Variants in PCDHGA6 observed in about 807,000 individuals in gnomAD.
The protein encoded by PCDHGA6 is protocadherin gamma-A6.
Under a neutral mutation model 60.6 loss-of-function variants are expected in PCDHGA6, and 41 were observed. The ratio of observed to expected loss-of-function variants is 0.68; its 90% confidence interval spans 0.53 to 0.88. PCDHGA6 has a LOEUF of 0.88. Among genes scored for constraint, PCDHGA6 ranks in the 40% least tolerant of loss-of-function variants. The pLI is 0.00. For missense variants in PCDHGA6, 1,312 were observed against 1,203.0 expected, an observed-to-expected ratio of 1.09 and a Z score of -1.34; for synonymous variants, 594 against 524.4, an observed-to-expected ratio of 1.13 and a Z score of -1.81.
chr5:141,436,414 A>G (rs1459862288), intron 1 of PCDHGA6, among the ~76,000 whole-genome samples: 1 of 152,234 alleles, frequency 6.6e-6, no homozygotes, highest in East Asian at 1.9e-4. Flanking sequence ...ATGAATGGAT[A>G]AACAAATAAT....
chr5:141,458,463 C>T (rs749353395), intron 1 of PCDHGA6, among the ~76,000 whole-genome samples: 15 of 151,844 alleles, frequency 9.9e-5, no homozygotes, highest in Admixed American at 8.5e-4. Flanking sequence ...TTTAAAATAC[C>T]GTACAACTGC....
In PCDHGA6 at chr5:141,477,031, A is replaced by C; in HGVS notation, c.2425-17776A>C. Reference sequence around the variant, plus strand: ...TAGACCTTGTAACCGGGATGCTGACAATCAAGGGTCGGCTGGACTTCGAGG... The same window carrying C: ...TAGACCTTGTAACCGGGATGCTGACCATCAAGGGTCGGCTGGACTTCGAGG... On this transcript the variant is annotated intron_variant, in intron 1 of 3. Coordinates refer to ENST00000517434, the MANE Select transcript of PCDHGA6 (RefSeq NM_018919.3). This position sits in a 1 kb window ranked among gnomAD's most constrained non-coding sequence, Gnocchi z 4.9. The C allele has an allele frequency of 6.2e-7, 1 of 1,614,248 alleles. No individual in the cohort carries two copies. Among genetic ancestry groups the C allele is most frequent in the Non-Finnish European group, 8.5e-7 (1 of 1,180,040 alleles).
chr5:141,427,224 A>G (rs1269896138), intron 1 of PCDHGA6: 1 of 456,768 alleles, frequency 2.2e-6, no homozygotes, highest in East Asian at 6.9e-5. Context: ...TAGCAGTTAT[A>G]CCATGAGAGT....
chr5:141,399,146 G>T (rs758823968), intron 1 of PCDHGA6: 1 of 1,613,792 alleles, frequency 6.2e-7, no homozygotes, highest in East Asian at 2.2e-5. Context: ...AATGACAATA[G>T]CCCAGAAGTT....
At chr5:141,481,649 C>G (rs1199734660) in intron 1 of PCDHGA6, among the ~76,000 whole-genome samples, 1 of 152,012 alleles carries the variant, frequency 6.6e-6, no homozygotes, top group African/African-American at 2.4e-5. Flanking sequence ...GAAACTTCAT[C>G]TCTACTAATA....
chr5:141,413,684 C>T, intron 1 of PCDHGA6: 1 of 1,613,838 alleles, frequency 6.2e-7, no homozygotes, highest in Non-Finnish European at 8.5e-7. Context: ...GGCGTGAACT[C>T]CCTGCAGAGC....
At chr5:141,430,782 G>A (rs1220976669) in intron 1 of PCDHGA6, 2 of 1,510,858 alleles carry the variant, frequency 1.3e-6, no homozygotes, top group Non-Finnish European at 1.8e-6. Flanking sequence ...CGACTGCACC[G>A]GGACTACAAA....
intron 1 of PCDHGA6, chr5:141,479,325 A>C (rs2099492835): frequency 6.6e-6 from 1 of 152,648 alleles, no homozygotes; most frequent in South Asian, 2.1e-4. Context: ...AGCCAGACTC[A>C]GTGGTGTGCA....
At chr5:141,415,114 G>T in intron 1 of PCDHGA6, 5 of 1,613,648 alleles carry the variant, frequency 3.1e-6, no homozygotes, top group Non-Finnish European at 4.2e-6. Flanking sequence ...GCAAAGCCTC[G>T]TAGTGGCCGT....
chr5:141,393,573 A>G lies in PCDHGA6; in HGVS notation c.2424+17066A>G, dbSNP rs568065764. 1.2e-4 allele frequency: 190 copies of G among 1,613,964 alleles called. 1 individual carries two copies. In the South Asian group the frequency reaches 2.0e-3, roughly 17 times the overall value. ...GATTTACCGAGTGAAAGTCCTTGAGAACATGCCCCCAGGCACGCGGCTGCT... is the reference window on the plus strand; with the variant it reads ...GATTTACCGAGTGAAAGTCCTTGAGGACATGCCCCCAGGCACGCGGCTGCT... On this transcript the variant is annotated intron_variant, in intron 1 of 3. Coordinates refer to ENST00000517434, the MANE Select transcript of PCDHGA6 (RefSeq NM_018919.3).
At chr5:141,481,913 C>CAA (rs34114744) in intron 1 of PCDHGA6, among the ~76,000 whole-genome samples, 26 of 90,736 alleles carry the variant, frequency 2.9e-4, no homozygotes, top group Non-Finnish European at 3.5e-4. Context: ...AACTCCATCT[C>CAA]AAAAAAAAAA....
At chr5:141,410,425 C>G (rs779212749) in intron 1 of PCDHGA6, 1 of 1,614,030 alleles carries the variant, frequency 6.2e-7, no homozygotes, top group South Asian at 1.1e-5. Flanking sequence ...TAGTTCCCCC[C>G]AACTACAGTG....
intron 1 of PCDHGA6, among the ~76,000 whole-genome samples, chr5:141,466,292 T>C (rs1050311680): frequency 3.3e-5 from 5 of 152,134 alleles, no homozygotes; most frequent in Non-Finnish European, 5.9e-5. Context: ...CACCTCAGGC[T>C]CCCAAGTAGC....
chr5:141,422,499 A>G lies in PCDHGA6; in HGVS notation c.2424+45992A>G. 3 of 1,614,036 alleles carry G rather than the reference A, an allele frequency of 1.9e-6. No homozygotes were observed. The South Asian group carries it at 3.3e-5, about 18-fold the overall frequency. On this transcript the variant is annotated intron_variant, in intron 1 of 3. Coordinates refer to ENST00000517434, the MANE Select transcript of PCDHGA6 (RefSeq NM_018919.3). ...TCCAGAGCTACAATATAACGTTGAC[A>G]GCCACAGACCAGGGAAGCCCGCCTT...
intron 1 of PCDHGA6, chr5:141,388,157 C>T (rs750936402): frequency 1.4e-6 from 2 of 1,469,104 alleles, no homozygotes; most frequent in Non-Finnish European, 1.9e-6. Flanking sequence ...GCAGGCTAGA[C>T]AGGGAGGAGA....
chr5:141,431,462 G>A lies in PCDHGA6; in HGVS notation c.2424+54955G>A. ...GCGCATCCGCGTGATGGTTCTGGAT[G>A]CGAACGACAACGCACCAGCGTTTGC... On this transcript the variant is annotated intron_variant, in intron 1 of 3. Transcript: ENST00000517434. This position sits in a 1 kb window ranked among gnomAD's most constrained non-coding sequence, Gnocchi z 4.8. 6.2e-7 allele frequency: 1 copy of A among 1,613,826 alleles called. No individual in the cohort carries two copies. The highest frequency in any genetic ancestry group is 2.2e-5 in the East Asian group (1 of 44,886).
intron 1 of PCDHGA6, chr5:141,384,779 G>T (rs1252058358): frequency 6.2e-7 from 1 of 1,613,592 alleles, no homozygotes; most frequent in Non-Finnish European, 8.5e-7. Context: ...GGCGAGGTGC[G>T]CACGGCTCGG....
chr5:141,423,141 G>A, intron 1 of PCDHGA6: 1 of 1,613,580 alleles, frequency 6.2e-7, no homozygotes, highest in Non-Finnish European at 8.5e-7. Context: ...ACAGAGACGC[G>A]CTCAAGCAGA....
intron 1 of PCDHGA6, chr5:141,403,929 G>T: frequency 6.2e-7 from 1 of 1,613,854 alleles, no homozygotes; most frequent in Non-Finnish European, 8.5e-7. Flanking sequence ...GATGGTGGGG[G>T]ATTGAAAGGG....
Sources: gnomAD v4.1 joint callset for allele counts (sites outside exome capture counted in the v4.1 genomes callset) on GRCh38, gnomAD v4.1.1 for gene constraint, Gnocchi (gnomAD v3.1) non-coding constraint, MANE v1.5 for transcripts, NCBI Gene and HGNC (gene_info 2026-07-23, HGNC 2026-07-21) for gene names.